Variants in HECTD4 observed in about 807,000 individuals in gnomAD.
HECTD4 encodes HECT domain E3 ubiquitin protein ligase 4.
In HECTD4, 114 loss-of-function variants were observed where a neutral mutation model predicts 471.5. That is an observed-to-expected ratio of 0.24 (90% CI 0.21 to 0.28). The LOEUF (loss-of-function observed/expected upper bound fraction) is 0.28, where lower values mean the gene tolerates loss of function less well. Ranked by LOEUF, HECTD4 falls within the 10% of genes least tolerant of loss-of-function variation. HECTD4 has a pLI of 1.00. For missense variants in HECTD4, 3,866 were observed against 5,651.5 expected, an observed-to-expected ratio of 0.68 and a Z score of 10.13; for synonymous variants, 2,012 against 2,256.0, an observed-to-expected ratio of 0.89 and a Z score of 3.07.
intron 1 of HECTD4, among the ~76,000 whole-genome samples, chr12:112,379,052 A>C (rs940389193): frequency 7.2e-5 from 11 of 152,126 alleles, no homozygotes; most frequent in East Asian, 3.8e-4. Context: ...AAAAAAAAAA[A>C]CCAAAAATTA....
chr12:112,203,778 G>C lies in HECTD4; in HGVS notation c.8270-6C>G. The C allele has an allele frequency of 6.3e-7, 1 of 1,578,506 alleles. No individual in the cohort carries two copies. Among genetic ancestry groups the C allele is most frequent in the Non-Finnish European group, 8.6e-7 (1 of 1,159,608 alleles). ...GCGGGTTACTACTGTGAGACCTGAGGAGTGTAGAGGGAGAAGTTTTTCAGG... is the reference window on the plus strand; with the variant it reads ...GCGGGTTACTACTGTGAGACCTGAGCAGTGTAGAGGGAGAAGTTTTTCAGG... On this transcript the variant is annotated splice_polypyrimidine_tract_variant and splice_region_variant and intron_variant, in intron 53 of 75. Transcript: ENST00000682272.
chr12:112,207,752 A>G, intron 52 of HECTD4, 122 bp downstream of exon 52: 1 of 1,112,034 alleles, frequency 9.0e-7, no homozygotes, highest in South Asian at 1.8e-5. Flanking sequence ...GGTAAGGTCA[A>G]AGACACTGTT....
Position 112,270,274 on chromosome 12 carries a change from C to A in HECTD4, c.2128G>T (p.Val710Phe), listed in dbSNP as rs764290175. The change falls in exon 12 of 76, where the codon GTT becomes TTT. Residue 710 changes from valine (V) to phenylalanine (F), a missense_variant. Coordinates refer to ENST00000682272, the MANE Select transcript of HECTD4 (RefSeq NM_001388303.1). ...CGTATAATACAGGTATCTCCATTAA[C>A]CATGGCCTTCTCCATAATGTCACAA... ...SICDIMEKAM[V>F]NGDTCIIRCI... The A allele has an allele frequency of 1.9e-6, 3 of 1,614,022 alleles. No homozygotes were observed. The highest frequency in any genetic ancestry group is 1.1e-5 in the South Asian group (1 of 91,088).
rs116017050 is a variant in HECTD4 at position 112,246,826 on chromosome 12, G to T, written c.4513+75C>A. ...AGAGTGAATTTTTCAAAATATAGCT[G>T]TGTGTCTTATATGAACAGAGTATAT... On this transcript the variant is annotated intron_variant, in intron 29 of 75. Transcript: ENST00000682272. 264 of 1,317,904 alleles carry T rather than the reference G, an allele frequency of 2.0e-4. No individual in the cohort carries two copies. In the African/African-American group the frequency reaches 3.6e-3, roughly 18 times the overall value. 81.6% of individuals were successfully genotyped at this position (1,317,904 alleles called of 1,614,324 possible). A position where few individuals can be genotyped will look rare whatever the true frequency, so the allele number is the denominator to read the frequency against.
At chr12:112,334,302 T>C (rs1295263289) in intron 1 of HECTD4, among the ~76,000 whole-genome samples, 1 of 150,706 alleles carries the variant, frequency 6.6e-6, no homozygotes, top group Non-Finnish European at 1.5e-5. Flanking sequence ...CTAATATCCA[T>C]AATCTACAGT....
intron 29 of HECTD4, 71 bp downstream of exon 29, chr12:112,246,830 G>T: frequency 7.4e-7 from 1 of 1,352,128 alleles, no homozygotes; most frequent in Non-Finnish European, 9.9e-7. Context: ...ATAGCTGTGT[G>T]TCTTATATGA....
intron 7 of HECTD4, among the ~76,000 whole-genome samples, chr12:112,285,490 G>C (rs542625777): frequency 4.6e-5 from 7 of 152,062 alleles, no homozygotes; most frequent in Non-Finnish European, 8.8e-5. Flanking sequence ...TACACAGCAC[G>C]TACTACTCTC....
At chr12:112,203,817 G>C (rs1405058230) in intron 53 of HECTD4, 45 bp from the exon 54 acceptor site, 5 of 1,392,006 alleles carry the variant, frequency 3.6e-6, no homozygotes, top group Non-Finnish European at 4.8e-6. Flanking sequence ...AAGTACCACT[G>C]CATCTGGGTT....
At position 112,247,494 on chromosome 12, in the gene HECTD4, C is replaced by A; in HGVS notation, c.4305G>T (p.Gly1435=). 1 of 1,542,248 alleles carries A rather than the reference C, an allele frequency of 6.5e-7. No individual in the cohort carries two copies. Among genetic ancestry groups the A allele is most frequent in the Non-Finnish European group, 8.8e-7 (1 of 1,140,902 alleles). The part of the protein sequence containing the change: ...LCSMKEVSFD[G]NDLENMVLSL... Reference sequence around the variant, plus strand: ...ATAGGACCATGTTTTCAAGATCATTCCCATCAAAGGAGACTTCCTTCATTG... The same window carrying A: ...ATAGGACCATGTTTTCAAGATCATTACCATCAAAGGAGACTTCCTTCATTG... Residue 1435 remains glycine (G), a synonymous_variant, in exon 28 of 76, where the codon GGG becomes GGT. Transcript: ENST00000682272.
chr12:112,164,035 C>G, intron 73 of HECTD4, 74 bp downstream of exon 73: 1 of 1,345,620 alleles, frequency 7.4e-7, no homozygotes, highest in Non-Finnish European at 9.7e-7. Flanking sequence ...TGCCCAGGAA[C>G]AGATGCTGCT....
At chr12:112,195,617 G>A (rs1337922902) in intron 55 of HECTD4, among the ~76,000 whole-genome samples, 7 of 152,216 alleles carry the variant, frequency 4.6e-5, no homozygotes, top group Admixed American at 4.6e-4. Context: ...AGGATGGGAA[G>A]TAACTGCTAT....
Position 112,192,751 on chromosome 12 carries a change from T to C in HECTD4, c.9101A>G (p.Lys3034Arg). The change falls in exon 59 of 76, where the codon AAG (lysine) becomes AGG (arginine). Residue 3034 changes from lysine to arginine, a missense_variant. Around this residue, in one of 16 missense-constraint regions of HECTD4, gnomAD observed 364 missense variants for 413.2 expected, o/e 0.88. Transcript: ENST00000682272. ...SGFRKDSSLYKAPWARVLVYG... is the reference protein window; with the variant it reads ...SGFRKDSSLYRAPWARVLVYG... ...TACGAGCACCCGTGCCCACGGTGCC[T>C]TGTACAGAGAGGAGCTGAGAAGGAG... 6.3e-7 allele frequency: 1 copy of C among 1,583,926 alleles called. No homozygotes were observed. Among genetic ancestry groups the C allele is most frequent in the South Asian group, 1.2e-5 (1 of 86,510 alleles).
chr12:112,251,411 A>G (rs1467352567), intron 23 of HECTD4, among the ~76,000 whole-genome samples: 1 of 152,240 alleles, frequency 6.6e-6, no homozygotes, highest in African/African-American at 2.4e-5. Flanking sequence ...TGAAATAAAG[A>G]AGCCTGATTC....
rs550315321 is a variant in HECTD4, at chr12:112,364,419, A to T, written c.177+17533T>A. 2.6e-5 allele frequency among the ~76,000 whole-genome samples: 4 copies of T among 151,928 alleles called. No homozygotes were observed. The East Asian group carries it at 5.8e-4, about 22-fold the overall frequency. ...AAGACTCTCTCTCTCAAAAAAAAAA[A>T]AAAATAAATAAATAAAAGGCAAAAT... On this transcript the variant is annotated intron_variant, in intron 1 of 75. Transcript: ENST00000682272.
At chr12:112,183,538 T>C (rs1371031098) in intron 61 of HECTD4, among the ~76,000 whole-genome samples, 2 of 152,188 alleles carry the variant, frequency 1.3e-5, no homozygotes, top group African/African-American at 4.8e-5. Context: ...GAAAAATTCA[T>C]GCCTAACTCT....
chr12:112,329,540 G>A (rs527281764), intron 1 of HECTD4, among the ~76,000 whole-genome samples: 2 of 152,044 alleles, frequency 1.3e-5, no homozygotes, highest in African/African-American at 4.8e-5. Flanking sequence ...GTTAATTTCT[G>A]TATTTTTGGT....
At chr12:112,308,061 T>C (rs2035300026) in intron 6 of HECTD4, among the ~76,000 whole-genome samples, 1 of 152,204 alleles carries the variant, frequency 6.6e-6, no homozygotes, top group Non-Finnish European at 1.5e-5. Context: ...AGGAAGTGTA[T>C]GTTAATTGCC....
intron 4 of HECTD4, among the ~76,000 whole-genome samples, chr12:112,312,783 T>C (rs1359642879): frequency 6.6e-6 from 1 of 152,038 alleles, no homozygotes; most frequent in Non-Finnish European, 1.5e-5. Flanking sequence ...TTGGCAAGAG[T>C]GTATGGATGA....
chr12:112,378,394 ATT>A (rs372000525), intron 1 of HECTD4, among the ~76,000 whole-genome samples: 2 of 145,240 alleles, frequency 1.4e-5, no homozygotes, highest in South Asian at 2.2e-4. Flanking sequence ...AATTTTTTGT[ATT>A]TTTTTTTTTA....
Sources: gnomAD v4.1 joint callset for allele counts (sites outside exome capture counted in the v4.1 genomes callset) on GRCh38, gnomAD v4.1.1 for gene constraint, gnomAD v4.1.1 regional missense constraint, MANE v1.5 for transcripts, NCBI Gene and HGNC (gene_info 2026-07-23, HGNC 2026-07-21) for gene names.